The following RUFY1 variants were observed in gnomAD, a reference collection of about 807,000 sequenced individuals.
RUFY1 encodes the protein RUN and FYVE domain containing 1.
In RUFY1, 54 loss-of-function variants were observed where a neutral mutation model predicts 94.6. That is an observed-to-expected ratio of 0.57 (90% CI 0.46 to 0.72). The LOEUF (loss-of-function observed/expected upper bound fraction) is 0.72. Ranked by LOEUF, RUFY1 falls within the 30% of genes least tolerant of loss-of-function variation. The pLI is 0.00. For synonymous variants in RUFY1, 396 were observed against 347.3 expected (o/e 1.14, Z -1.56); for missense variants, 883 against 883.9 (o/e 1.00, Z 0.01).
intron 12 of RUFY1, among the ~76,000 whole-genome samples, chr5:179,595,203 G>GGC (rs1436261074): frequency 3.9e-5 from 6 of 152,118 alleles, no homozygotes; most frequent in Non-Finnish European, 8.8e-5. Context: ...AATTAGGACG[G>GGC]GCGCGGTGGC....
intron 7 of RUFY1, among the ~76,000 whole-genome samples, chr5:179,583,415 T>TAC (rs1362835703): frequency 1.4e-5 from 2 of 147,600 alleles, no homozygotes; most frequent in Non-Finnish European, 3.0e-5. Context: ...CATATAAATA[T>TAC]ATATATATAT....
intron 7 of RUFY1, among the ~76,000 whole-genome samples, chr5:179,582,767 C>T (rs961017172): frequency 3.3e-5 from 5 of 152,048 alleles, no homozygotes; most frequent in Middle Eastern, 6.8e-3. Context: ...CGCTTGGACC[C>T]GGGAGACGGA....
rs539953414 is a variant in RUFY1 at position 179,551,029 on chromosome 5, G to T, written c.310+150G>T. 588 of 673,232 alleles carry T rather than the reference G, an allele frequency of 8.7e-4. 4 individuals are homozygous for T. The African/African-American group carries it at 0.011, about 12-fold the overall frequency. 41.7% of individuals were successfully genotyped at this position (673,232 alleles called of 1,614,324 possible). The stretch of plus-strand genomic sequence containing the variant: ...GGGCGGGCGGCGCCTGGCTGCGCCT[G>T]GGTCTTTACTCCGGCGGCCCAGCCG... On this transcript the variant is annotated intron_variant, in intron 1 of 17. Coordinates refer to ENST00000319449, the MANE Select transcript of RUFY1 (RefSeq NM_025158.5).
intron 5 of RUFY1, among the ~76,000 whole-genome samples, chr5:179,574,153 T>C (rs1473889371): frequency 6.6e-6 from 1 of 151,972 alleles, no homozygotes; most frequent in African/African-American, 2.4e-5. Context: ...TCCCAGCACT[T>C]TGGGAGGCCG....
chr5:179,608,104 T>G (rs1767302922), intron 17 of RUFY1, among the ~76,000 whole-genome samples: 1 of 152,196 alleles, frequency 6.6e-6, no homozygotes, highest in East Asian at 1.9e-4. Context: ...CTTTAGGTTC[T>G]GGAAACAAGG....
intron 5 of RUFY1, 135 bp from the exon 6 acceptor site, chr5:179,576,940 C>A: frequency 5.0e-6 from 3 of 602,362 alleles, no homozygotes; most frequent in Non-Finnish European, 8.7e-6. Flanking sequence ...AATTGATTTC[C>A]ACTTCATAGA....
chr5:179,609,268 T>A, intron 17 of RUFY1, 108 bp from the exon 18 acceptor site: 22 of 1,021,498 alleles, frequency 2.2e-5, no homozygotes, highest in Middle Eastern at 3.3e-4. Context: ...CACAGAAACA[T>A]AAGAACCCAT....
At position 179,602,188 on chromosome 5, in the gene RUFY1, C is replaced by T. The variant is rs73809493; in HGVS notation, c.1856+202C>T. On this transcript the variant is annotated intron_variant, in intron 15 of 17. Transcript: ENST00000319449. ...CTCTGCTACCCACATGGGGTGTCAG[C>T]GAGCTCTTAGTTAATTCAGGAAGCA... 2,050 of 564,508 alleles carry T rather than the reference C, an allele frequency of 3.6e-3. 30 individuals carry two copies. Among genetic ancestry groups the T allele is most frequent in the African/African-American group, 0.029 (1,562 of 53,400 alleles). The allele number at this position is 564,508 out of a possible 1,614,324, so 35.0% of individuals were successfully genotyped here.
intron 17 of RUFY1, among the ~76,000 whole-genome samples, chr5:179,608,920 CAAAAAAA>C (rs57127812): frequency 3.3e-5 from 4 of 121,796 alleles, no homozygotes; most frequent in Non-Finnish European, 7.0e-5. Context: ...GACAGAGACT[CAAAAAAA>C]AAAAAAAAAG....
chr5:179,606,457 C>T (rs1026137926), intron 16 of RUFY1: 21 of 162,610 alleles, frequency 1.3e-4, no homozygotes, highest in East Asian at 7.6e-4. Flanking sequence ...AGCTGCAGGG[C>T]GGAGAGTGTG....
intron 17 of RUFY1, among the ~76,000 whole-genome samples, chr5:179,609,013 A>C (rs1025987066): frequency 1.3e-5 from 2 of 151,592 alleles, no homozygotes; most frequent in African/African-American, 4.9e-5. Context: ...AGGTCAGGAG[A>C]TCGAGACCAT....
intron 8 of RUFY1, chr5:179,589,234 C>T: frequency 3.1e-6 from 1 of 326,176 alleles, no homozygotes; most frequent in South Asian, 3.2e-5. Context: ...AGTGAACATT[C>T]AGGCTGTTTC....
At chr5:179,589,790 T>A in intron 9 of RUFY1, 143 bp downstream of exon 9, 1 of 688,166 alleles carries the variant, frequency 1.5e-6, no homozygotes, top group South Asian at 1.6e-5. Context: ...CTCACTGCGG[T>A]CCCTGCCCAC....
chr5:179,562,562 T>C lies in RUFY1; in HGVS notation c.500T>C (p.Ile167Thr). The part of the protein sequence containing the change: ...KHGLKVKKSF[I>T]GQNKSFFGPL... ...TTCCTTTTAGTTAAGAAGAGTTTTA[T>C]TGGCCAAAATAAATCATTCTTTGGT... The change falls in exon 3 of 18, where the codon ATT becomes ACT. Residue 167 changes from isoleucine to threonine, a missense_variant. Physicochemically the swap from Ile to Thr is moderately conservative, Grantham distance 89. Coordinates refer to ENST00000319449, the MANE Select transcript of RUFY1 (RefSeq NM_025158.5). 6.2e-7 allele frequency: 1 copy of C among 1,607,534 alleles called. No individual in the cohort carries two copies. Among genetic ancestry groups the C allele is most frequent in the Non-Finnish European group, 8.5e-7 (1 of 1,174,448 alleles).
At chr5:179,593,970 A>T (rs1731169659) in intron 11 of RUFY1, among the ~76,000 whole-genome samples, 1 of 150,510 alleles carries the variant, frequency 6.6e-6, no homozygotes, top group South Asian at 2.1e-4. Flanking sequence ...TTCTATTTCA[A>T]CGATTTATTG....
chr5:179,601,873 G>GTTGGT lies in RUFY1; in HGVS notation c.1762-15_1762-11dup. 1 of 1,499,978 alleles carries GTTGGT rather than the reference G, an allele frequency of 6.7e-7. No individual in the cohort carries two copies. The highest frequency in any genetic ancestry group is 9.3e-7 in the Non-Finnish European group (1 of 1,077,662). 92.9% of individuals were successfully genotyped at this position (1,499,978 alleles called of 1,614,324 possible). On this transcript the variant is annotated intron_variant, in intron 14 of 17. Transcript: ENST00000319449. ...CGTGTAATCCTCTGTCCAGCATCTGGTTGGTTTGTTCATTTTAGGAGTTGC... is the reference window on the plus strand; with the variant it reads ...CGTGTAATCCTCTGTCCAGCATCTGGTTGGTTTGGTTTGTTCATTTTAGGAGTTGC...
At chr5:179,553,026 C>T (rs1274218892) in intron 1 of RUFY1, among the ~76,000 whole-genome samples, 1 of 152,234 alleles carries the variant, frequency 6.6e-6, no homozygotes, top group Non-Finnish European at 1.5e-5. Context: ...AAGGGCCAGG[C>T]ACTCAGAAGT....
chr5:179,558,956 A>G (rs757101946), intron 1 of RUFY1, among the ~76,000 whole-genome samples: 7 of 152,254 alleles, frequency 4.6e-5, no homozygotes, highest in Non-Finnish European at 8.8e-5. Flanking sequence ...CACGAAAGTC[A>G]ATTGAGCAAG....
chr5:179,593,466 T>C lies in RUFY1; in HGVS notation c.1246-12T>C. On this transcript the variant is annotated splice_polypyrimidine_tract_variant and intron_variant, in intron 10 of 17. Coordinates refer to ENST00000319449, the MANE Select transcript of RUFY1 (RefSeq NM_025158.5). ...ATTTTAATAACATTTTCCTTGTAAA[T>C]ATCCTTTTAAGGAACTGGAAAAAGA... is the stretch of plus-strand genomic sequence containing the variant. The C allele has an allele frequency of 6.3e-7, 1 of 1,582,564 alleles. No individual in the cohort carries two copies.
Sources: gnomAD v4.1 joint callset for allele counts (sites outside exome capture counted in the v4.1 genomes callset) on GRCh38, gnomAD v4.1.1 for gene constraint, MANE v1.5 for transcripts, NCBI Gene and HGNC (gene_info 2026-07-23, HGNC 2026-07-21) for gene names.